RERE: variants seen among roughly 807,000 people sequenced by gnomAD.
The protein encoded by RERE is arginine-glutamic acid dipeptide repeats.
Under a neutral mutation model 146.1 loss-of-function variants are expected in RERE, and 40 were observed. The observed-to-expected ratio is 0.27, with a 90% confidence interval of 0.21 to 0.36. The LOEUF is 0.36. RERE is among the 10% of genes least tolerant of loss of function. RERE has a pLI of 1.00. For synonymous variants in RERE, 1,003 were observed against 866.0 expected (o/e 1.16, Z -2.78); for missense variants, 1,933 against 2,138.7 (o/e 0.90, Z 1.90).
intron 4 of RERE, among the ~76,000 whole-genome samples, chr1:8,587,426 T>A (rs1435315597): frequency 6.6e-6 from 1 of 152,132 alleles, no homozygotes; most frequent in Non-Finnish European, 1.5e-5. Context: ...CTATCTACAA[T>A]ACAAATCACT....
chr1:8,622,486 TAAAAAAAAAAAAA>T (rs1167355778), intron 3 of RERE, among the ~76,000 whole-genome samples: 3 of 43,016 alleles, frequency 7.0e-5, no homozygotes, highest in Non-Finnish European at 1.3e-4. Context: ...TGTATCTGTT[TAAAAAAAAAAAAA>T]AAAAAAAAAA....
chr1:8,528,254 A>G (rs2124359100), intron 7 of RERE, among the ~76,000 whole-genome samples: 1 of 152,344 alleles, frequency 6.6e-6, no homozygotes, highest in Non-Finnish European at 1.5e-5. Context: ...TCTTTAAAAA[A>G]GGTGAGGAAA....
chr1:8,542,987 G>C (rs560368444), intron 6 of RERE, among the ~76,000 whole-genome samples: 2 of 152,074 alleles, frequency 1.3e-5, no homozygotes, highest in Non-Finnish European at 2.9e-5. Flanking sequence ...AATTTTATTT[G>C]ATCTTAACAA....
intron 1 of RERE, among the ~76,000 whole-genome samples, chr1:8,783,020 TC>T (rs1253497156): frequency 1.3e-5 from 2 of 152,170 alleles, no homozygotes; most frequent in African/African-American, 4.8e-5. Flanking sequence ...CTCCTTTCTT[TC>T]AACCCCTACC....
intron 4 of RERE, among the ~76,000 whole-genome samples, chr1:8,574,624 A>C (rs1302479077): frequency 1.3e-5 from 2 of 152,218 alleles, no homozygotes; most frequent in Non-Finnish European, 2.9e-5. Flanking sequence ...AAATACTGCA[A>C]CTTACAAAAA....
rs777609303 is a variant in RERE at position 8,360,236 on chromosome 1, C to A, written c.3271G>T (p.Val1091Phe). Residue 1091 changes from valine to phenylalanine, a missense_variant, in exon 18 of 23, where the codon GTC becomes TTC. Physicochemically the swap from Val to Phe is conservative, Grantham distance 50 (BLOSUM62 -1). Around this residue, in one of 11 missense-constraint regions of RERE, gnomAD observed 1,255 missense variants for 1,153.8 expected, o/e 1.09. Transcript: ENST00000400908. ...AGGSSCPLPT[V>F]QIKEEALDDA... The stretch of plus-strand genomic sequence containing the variant: ...TCCAGAGCCTCCTCCTTGATCTGGA[C>A]GGTGGGGAGTGGGCAGGACGACCCC... The A allele has an allele frequency of 1.9e-6, 3 of 1,583,274 alleles. No individual in the cohort carries two copies. Among genetic ancestry groups the A allele is most frequent in the Non-Finnish European group, 2.6e-6 (3 of 1,165,962 alleles).
At chr1:8,781,352 G>T (rs1020354420) in intron 1 of RERE, among the ~76,000 whole-genome samples, 1 of 133,342 alleles carries the variant, frequency 7.5e-6, no homozygotes, top group Non-Finnish European at 1.7e-5. Flanking sequence ...GCAAGACTCC[G>T]TCTCAAAAAA....
chr1:8,446,572 A>G (rs1036460034), intron 11 of RERE, among the ~76,000 whole-genome samples: 1 of 152,190 alleles, frequency 6.6e-6, no homozygotes, highest in African/African-American at 2.4e-5. Flanking sequence ...TATCCCGAAG[A>G]GTGTTTTCCA....
At chr1:8,697,170 C>A (rs1639350050) in intron 1 of RERE, among the ~76,000 whole-genome samples, 1 of 152,132 alleles carries the variant, frequency 6.6e-6, no homozygotes, top group Non-Finnish European at 1.5e-5. Context: ...GCTAAGGAAG[C>A]TGCCTAGGTA....
intron 2 of RERE, among the ~76,000 whole-genome samples, chr1:8,643,201 G>C (rs1647204210): frequency 6.6e-6 from 1 of 152,160 alleles, no homozygotes; most frequent in African/African-American, 2.4e-5. Flanking sequence ...AAAGTTAAGA[G>C]GTAGAAGAGT....
chr1:8,449,661 T>C (rs1009970416), intron 11 of RERE, among the ~76,000 whole-genome samples: 1 of 152,252 alleles, frequency 6.6e-6, no homozygotes, highest in Non-Finnish European at 1.5e-5. Flanking sequence ...ATCCCATCTT[T>C]CCTTTCAGCT....
At chr1:8,784,717 C>T (rs1641230117) in intron 1 of RERE, among the ~76,000 whole-genome samples, 1 of 151,970 alleles carries the variant, frequency 6.6e-6, no homozygotes, top group South Asian at 2.1e-4. Flanking sequence ...TAAAAGACCC[C>T]AACTCTAAAA....
At chr1:8,433,676 TCAGCCTCCCGAGTAGCTGGGACTA>T (rs1644127416) in intron 11 of RERE, among the ~76,000 whole-genome samples, 1 of 150,778 alleles carries the variant, frequency 6.6e-6, no homozygotes, top group Non-Finnish European at 1.5e-5. Context: ...TTCTCCTGCC[TCAGCCTCCCGAGTAGCTGGGACTA>T]CAGGCGCCCG....
chr1:8,477,585 C>T (rs1644772597), intron 10 of RERE, among the ~76,000 whole-genome samples: 1 of 152,204 alleles, frequency 6.6e-6, no homozygotes, highest in Non-Finnish European at 1.5e-5. Flanking sequence ...CTCACGTAGG[C>T]ACTAGTGAAC....
rs376228053 is a variant in RERE, at chr1:8,683,910, C to G, written c.-144-27469G>C. On this transcript the variant is annotated intron_variant, in intron 1 of 22. Transcript: ENST00000400908. ...TGAGCCAAAATGGCACCACTGCACT[C>G]CAGCCCAGGCAACAAGGGAGAAACT... Among the ~76,000 whole-genome samples, 6 of 152,274 alleles carry G rather than the reference C, an allele frequency of 3.9e-5. No homozygotes were observed. The East Asian group carries it at 9.6e-4, about 24-fold the overall frequency.
At chr1:8,504,660 T>A (rs771380422) in intron 8 of RERE, among the ~76,000 whole-genome samples, 1 of 152,132 alleles carries the variant, frequency 6.6e-6, no homozygotes, top group African/African-American at 2.4e-5. Context: ...GAGATCAGCC[T>A]GGCCAACATA....
At chr1:8,601,017 C>CTTTTTTTTT (rs34455445) in intron 4 of RERE, among the ~76,000 whole-genome samples, 4 of 95,072 alleles carry the variant, frequency 4.2e-5, no homozygotes, top group East Asian at 3.3e-4. Context: ...GTCTCCCAAA[C>CTTTTTTTTT]TTTTTTTTTT....
intron 10 of RERE, among the ~76,000 whole-genome samples, chr1:8,471,699 A>G (rs759192783): frequency 6.6e-5 from 10 of 151,800 alleles, no homozygotes; most frequent in Non-Finnish European, 1.5e-4. Flanking sequence ...TTTTTTGTAG[A>G]GACAGGAACT....
intron 11 of RERE, among the ~76,000 whole-genome samples, chr1:8,451,669 C>T (rs575093946): frequency 7.2e-5 from 11 of 152,154 alleles, no homozygotes; most frequent in Non-Finnish European, 1.2e-4. Flanking sequence ...CAGCTCTCAA[C>T]GTCTCTCACT....
Sources: gnomAD v4.1 joint callset for allele counts (sites outside exome capture counted in the v4.1 genomes callset) on GRCh38, gnomAD v4.1.1 for gene constraint, gnomAD v4.1.1 regional missense constraint, MANE v1.5 for transcripts, NCBI Gene and HGNC (gene_info 2026-07-23, HGNC 2026-07-21) for gene names.